RO60: variants seen among roughly 807,000 people sequenced by gnomAD.
RO60 encodes the protein RNA-binding protein RO60.
A neutral mutation model predicts 55.3 loss-of-function variants in RO60; 20 were observed. The ratio of observed to expected loss-of-function variants is 0.36; its 90% confidence interval spans 0.25 to 0.53. The LOEUF is 0.53. Among genes scored for constraint, RO60 ranks in the 20% least tolerant of loss-of-function variants. RO60 has a pLI of 0.92. For missense variants in RO60, 558 were observed against 646.6 expected (o/e 0.86, Z 1.49); for synonymous variants, 213 against 213.6 (o/e 1.00, Z 0.02).
rs2103092967 is a variant in RO60 at position 193,090,865 on chromosome 1, G to C, written c.*6134G>C. ...TGTTTCTGAAATACAGAACTCAAAG[G>C]GTCTTTTAGAGCTTTTAATTTTACA... On this transcript the variant is annotated 3_prime_UTR_variant, in exon 9 of 9. Coordinates refer to ENST00000400968, the MANE Select transcript of RO60 (RefSeq NM_001173524.2). 1 of 151,828 alleles carries C rather than the reference G, an allele frequency of 6.6e-6. No individual in the cohort carries two copies. 9.4% of individuals were successfully genotyped at this position (151,828 alleles called of 1,614,324 possible). A position where few individuals can be genotyped will look rare whatever the true frequency, so the allele number is the denominator to read the frequency against.
rs950966194 is a variant in RO60 at position 193,088,488 on chromosome 1, G to A, written c.*3757G>A. The A allele has an allele frequency of 1.3e-5, 2 of 151,910 alleles. No individual in the cohort carries two copies. The highest frequency in any genetic ancestry group is 4.8e-5 in the African/African-American group (2 of 41,362). 9.4% of individuals were successfully genotyped at this position (151,910 alleles called of 1,614,324 possible). A position where few individuals can be genotyped will look rare whatever the true frequency, so the allele number is the denominator to read the frequency against. ...ATCTGAAGGTCTCACAATTAAGTGA[G>A]AAACACCTTTAAAAGCATAGTAAAG... is the stretch of plus-strand genomic sequence containing the variant. On this transcript the variant is annotated 3_prime_UTR_variant, in exon 9 of 9. Coordinates refer to ENST00000400968, the MANE Select transcript of RO60 (RefSeq NM_001173524.2).
At position 193,085,260 on chromosome 1, in the gene RO60, T is replaced by TAA; in HGVS notation, c.*530_*531insAA. 1 of 1,125,800 alleles carries TAA rather than the reference T, an allele frequency of 8.9e-7. No individual in the cohort carries two copies. 69.7% of individuals were successfully genotyped at this position (1,125,800 alleles called of 1,614,324 possible). On this transcript the variant is annotated 3_prime_UTR_variant, in exon 9 of 9. Coordinates refer to ENST00000400968, the MANE Select transcript of RO60 (RefSeq NM_001173524.2). ...ATTTGATTAAATTATGAATGAGTTTTACAAATTCCTTTCAGAGTTTTACTA... is the reference window on the plus strand; with the variant it reads ...ATTTGATTAAATTATGAATGAGTTTTAAACAAATTCCTTTCAGAGTTTTACTA...
At position 193,076,660 on chromosome 1, in the gene RO60, A is replaced by G. The variant is rs757467324; in HGVS notation, c.948+13A>G. The G allele has an allele frequency of 6.3e-6, 10 of 1,582,610 alleles. No individual in the cohort carries two copies. Among genetic ancestry groups the G allele is most frequent in the South Asian group, 5.8e-5 (5 of 85,796 alleles). ...ACTATTAAAAAAGGTAAGCATTATC[A>G]TTGTTCTTTATTAGCTACTACTAAC... On this transcript the variant is annotated intron_variant, in intron 4 of 8. Coordinates refer to ENST00000400968, the MANE Select transcript of RO60 (RefSeq NM_001173524.2).
Position 193,088,209 on chromosome 1 carries a change from A to G in RO60, c.*3478A>G, listed in dbSNP as rs1306044309. 8.6e-6 allele frequency: 1 copy of G among 116,204 alleles called. No individual in the cohort carries two copies. The highest frequency in any genetic ancestry group is 1.6e-5 in the Non-Finnish European group (1 of 61,722). 7.2% of individuals were successfully genotyped at this position (116,204 alleles called of 1,614,324 possible). On this transcript the variant is annotated 3_prime_UTR_variant, in exon 9 of 9. Coordinates refer to ENST00000400968, the MANE Select transcript of RO60 (RefSeq NM_001173524.2). Reference sequence around the variant, plus strand: ...TTTTTTTTTTAAGAGACAACGTCTCACTGTGTTGCCCAGGCTGGTGTCAAA... The same window carrying G: ...TTTTTTTTTTAAGAGACAACGTCTCGCTGTGTTGCCCAGGCTGGTGTCAAA...
intron 8 of RO60, among the ~76,000 whole-genome samples, chr1:193,083,748 T>C (rs1471386748): frequency 6.6e-6 from 1 of 151,750 alleles, no homozygotes; most frequent in Admixed American, 6.5e-5. Context: ...GGAATAGTTT[T>C]GTTTTGTTTT....
chr1:193,061,701 T>G (rs1672754575), intron 1 of RO60, among the ~76,000 whole-genome samples: 1 of 152,226 alleles, frequency 6.6e-6, no homozygotes, highest in African/African-American at 2.4e-5. Context: ...GCGGCCATGC[T>G]TGGCCGGGCA....
chr1:193,065,729 C>G (rs1673058915), intron 1 of RO60, among the ~76,000 whole-genome samples: 1 of 152,150 alleles, frequency 6.6e-6, no homozygotes, highest in Admixed American at 6.5e-5. Context: ...ACAGGAGTTT[C>G]AACCTATGCT....
chr1:193,060,433 T>C (rs1189169031), intron 1 of RO60: 1 of 169,506 alleles, frequency 5.9e-6, no homozygotes, highest in African/African-American at 2.4e-5. Flanking sequence ...GATTAAAGTT[T>C]TTAAGAGTAT....
chr1:193,091,686 A>C, downstream of RO60: 1 of 1,611,964 alleles, frequency 6.2e-7, no homozygotes, highest in African/African-American at 1.3e-5. Context: ...ATCATTTTAG[A>C]CATGGAGTGC....
chr1:193,085,118 A>G lies in RO60; in HGVS notation c.*387A>G. The G allele has an allele frequency of 7.0e-7, 1 of 1,434,334 alleles. No individual in the cohort carries two copies. 88.9% of individuals were successfully genotyped at this position (1,434,334 alleles called of 1,614,324 possible). On this transcript the variant is annotated 3_prime_UTR_variant, in exon 9 of 9. Transcript: ENST00000400968. ...TTTTCTTAAATGTTTTCATTGGGAA[A>G]GGACAGCTTTGATAATGTCCAAATA...
chr1:193,073,211 A>G (rs565830406), intron 2 of RO60, among the ~76,000 whole-genome samples: 1 of 152,328 alleles, frequency 6.6e-6, no homozygotes, highest in South Asian at 2.1e-4. Context: ...CACAGGAAAC[A>G]TTTACTCATT....
downstream of RO60, chr1:193,091,647 C>G: frequency 6.2e-7 from 1 of 1,610,336 alleles, no homozygotes; most frequent in Non-Finnish European, 8.5e-7. Flanking sequence ...TCTCTCCTTT[C>G]TAGCCTTGCA....
At chr1:193,067,350 G>A (rs568841021) in intron 1 of RO60, among the ~76,000 whole-genome samples, 144 of 151,710 alleles carry the variant, frequency 9.5e-4, no homozygotes, top group African/African-American at 3.3e-3. Context: ...CAACACGCCC[G>A]GCTAATTTTT....
chr1:193,069,126 AT>A lies in RO60; in HGVS notation c.73del (p.Trp25GlyfsTer6). On this transcript the variant is annotated frameshift_variant, in exon 2 of 9. Coordinates refer to ENST00000400968, the MANE Select transcript of RO60 (RefSeq NM_001173524.2). LOFTEE classifies it high-confidence loss of function. ...TAGCCAATTCTCAGGATGGATATGT[AT>A]GGCAAGTCACTGACATGAATCGACT... ...QIANSQDGYV[W>X]QVTDMNRLHR... 2 of 1,614,142 alleles carry A rather than the reference AT, an allele frequency of 1.2e-6. No homozygotes were observed. The highest frequency in any genetic ancestry group is 1.7e-6 in the Non-Finnish European group (2 of 1,179,990).
rs937423966 is a variant in RO60, at chr1:193,084,841, G to A, written c.*110G>A. 1.3e-5 allele frequency: 19 copies of A among 1,514,154 alleles called. No homozygotes were observed. Among genetic ancestry groups the A allele is most frequent in the Admixed American group, 4.5e-5 (2 of 43,992 alleles). The allele number at this position is 1,514,154 out of a possible 1,614,324, so 93.8% of individuals were successfully genotyped here. ...CCAATGAATGATGATGGTATAGTATGTGCATAATGGAAAGTTACCTTACTG... is the reference window on the plus strand; with the variant it reads ...CCAATGAATGATGATGGTATAGTATATGCATAATGGAAAGTTACCTTACTG... On this transcript the variant is annotated 3_prime_UTR_variant, in exon 9 of 9. Coordinates refer to ENST00000400968, the MANE Select transcript of RO60 (RefSeq NM_001173524.2).
intron 2 of RO60, chr1:193,070,525 T>G: frequency 2.4e-6 from 1 of 424,898 alleles, no homozygotes; most frequent in South Asian, 1.7e-5. Flanking sequence ...GTTCAAAATT[T>G]GACTTTTTTT....
intron 1 of RO60, among the ~76,000 whole-genome samples, chr1:193,060,733 AAAAATTTTTTTTGT>A (rs1672557711): frequency 1.3e-5 from 2 of 152,208 alleles, no homozygotes; most frequent in South Asian, 4.1e-4. Flanking sequence ...TTGGTTTAAA[AAAAATTTTTTTTGT>A]AACTTTCTTG....
rs1311901489 is a variant in RO60 at position 193,077,099 on chromosome 1, C to A, written c.1086+49C>A. 3 of 1,510,310 alleles carry A rather than the reference C, an allele frequency of 2.0e-6. No homozygotes were observed. In the East Asian group the frequency reaches 7.1e-5, roughly 36 times the overall value. The allele number at this position is 1,510,310 out of a possible 1,614,324, so 93.6% of individuals were successfully genotyped here. On this transcript the variant is annotated intron_variant, in intron 5 of 8. Coordinates refer to ENST00000400968, the MANE Select transcript of RO60 (RefSeq NM_001173524.2). ...AAACAAATGACTGAAGACTTAATAT[C>A]TTTTGTAATAATACATTTTAAAGGT... is the stretch of plus-strand genomic sequence containing the variant.
intron 2 of RO60, among the ~76,000 whole-genome samples, chr1:193,073,991 C>G (rs1035806347): frequency 6.7e-6 from 1 of 150,002 alleles, no homozygotes; most frequent in Admixed American, 6.7e-5. Context: ...TGCAGTGTTT[C>G]GTTTTTTGTC....
Sources: gnomAD v4.1 joint callset for allele counts (sites outside exome capture counted in the v4.1 genomes callset) on GRCh38, gnomAD v4.1.1 for gene constraint, MANE v1.5 for transcripts, NCBI Gene and HGNC (gene_info 2026-07-23, HGNC 2026-07-21) for gene names.